The following NKAIN2 variants were observed in gnomAD, a reference collection of about 807,000 sequenced individuals.
NKAIN2 encodes the protein sodium/potassium transporting ATPase interacting 2, also known as sodium/potassium-transporting ATPase subunit beta-1-interacting protein 2.
In NKAIN2, 14 loss-of-function variants were observed where a neutral mutation model predicts 32.6. The observed-to-expected ratio is 0.43, with a 90% confidence interval of 0.28 to 0.67. The LOEUF is 0.67. Ranked by LOEUF, NKAIN2 falls within the 30% of genes least tolerant of loss-of-function variation. NKAIN2 has a pLI of 0.17. For missense variants in NKAIN2, 198 were observed against 258.3 expected, an observed-to-expected ratio of 0.77 and a Z score of 1.60; for synonymous variants, 80 against 87.2, an observed-to-expected ratio of 0.92 and a Z score of 0.46.
chr6:124,790,325 C>A (rs2114805269), intron 4 of NKAIN2, among the ~76,000 whole-genome samples: 1 of 152,102 alleles, frequency 6.6e-6, no homozygotes, highest in East Asian at 1.9e-4. Context: ...CTTCATTAGG[C>A]TTGTCGTGGC....
At chr6:123,866,909 G>A (rs973849688) in intron 1 of NKAIN2, among the ~76,000 whole-genome samples, 2 of 152,102 alleles carry the variant, frequency 1.3e-5, no homozygotes, top group African/African-American at 4.8e-5. Flanking sequence ...TTAGGGTTCT[G>A]TTTATACAGT....
chr6:124,104,193 G>C (rs1393854473), intron 1 of NKAIN2, among the ~76,000 whole-genome samples: 1 of 152,110 alleles, frequency 6.6e-6, no homozygotes, highest in South Asian at 2.1e-4. Context: ...AATATGAAAC[G>C]GTGAAGAAAT....
At chr6:124,115,174 A>G (rs185855251) in intron 1 of NKAIN2, among the ~76,000 whole-genome samples, 2 of 152,286 alleles carry the variant, frequency 1.3e-5, no homozygotes, top group East Asian at 1.9e-4. Flanking sequence ...GGCTATATAT[A>G]TGGAATTTAA....
intron 5 of NKAIN2, among the ~76,000 whole-genome samples, chr6:124,814,324 G>A (rs1161550403): frequency 6.6e-6 from 1 of 152,186 alleles, no homozygotes; most frequent in Admixed American, 6.5e-5. Context: ...GTGAACTCAA[G>A]CATGTAGGTA....
intron 1 of NKAIN2, among the ~76,000 whole-genome samples, chr6:124,104,158 G>T (rs528431237): frequency 1.3e-5 from 2 of 152,020 alleles, no homozygotes; most frequent in East Asian, 3.9e-4. Flanking sequence ...TTACCCCTTC[G>T]CTCCCCTATT....
intron 5 of NKAIN2, among the ~76,000 whole-genome samples, chr6:124,810,431 A>G (rs1053799565): frequency 1.4e-4 from 22 of 152,138 alleles, no homozygotes; most frequent in African/African-American, 5.3e-4. Context: ...GGAATTGAAC[A>G]ATGAGAACAC....
intron 1 of NKAIN2, among the ~76,000 whole-genome samples, chr6:124,270,248 A>G (rs148891145): frequency 2.2e-3 from 337 of 152,262 alleles, no homozygotes; most frequent in African/African-American, 7.7e-3. Flanking sequence ...GCTAAAACGG[A>G]GAGGGCAGAA....
At chr6:124,311,480 T>A (rs1796712454) in intron 2 of NKAIN2, among the ~76,000 whole-genome samples, 1 of 152,146 alleles carries the variant, frequency 6.6e-6, no homozygotes, top group Non-Finnish European at 1.5e-5. Context: ...TATTTATATA[T>A]CCACTGCCAC....
At chr6:124,083,826 C>T (rs1261187905) in intron 1 of NKAIN2, among the ~76,000 whole-genome samples, 2 of 151,850 alleles carry the variant, frequency 1.3e-5, no homozygotes, top group African/African-American at 4.8e-5. Flanking sequence ...GTGTACTGGC[C>T]TTTTTTAAAG....
chr6:124,420,904 T>C (rs931725651), intron 3 of NKAIN2, among the ~76,000 whole-genome samples: 1 of 151,984 alleles, frequency 6.6e-6, no homozygotes, highest in Non-Finnish European at 1.5e-5. Context: ...TTTGTTGTTA[T>C]GAGTAGAATT....
At chr6:124,135,325 C>G (rs567853813) in intron 1 of NKAIN2, among the ~76,000 whole-genome samples, 2 of 151,714 alleles carry the variant, frequency 1.3e-5, no homozygotes. Context: ...TTAAAAGATA[C>G]AGAACGGCAG....
At chr6:123,988,874 A>AGTGTGTGT (rs72226512) in intron 1 of NKAIN2, among the ~76,000 whole-genome samples, 4 of 134,318 alleles carry the variant, frequency 3.0e-5, no homozygotes, top group Non-Finnish European at 3.2e-5. Flanking sequence ...GAACCTTAAG[A>AGTGTGTGT]GTGTGTGTGT....
chr6:124,010,980 G>A (rs7763223), intron 1 of NKAIN2, among the ~76,000 whole-genome samples: 134,820 of 152,142 alleles, frequency 0.89, 60,016 homozygotes, highest in East Asian at 0.98. Flanking sequence ...GTTTTGAAGC[G>A]GTAGTCTCTA....
intron 3 of NKAIN2, among the ~76,000 whole-genome samples, chr6:124,416,800 C>T (rs779936376): frequency 6.6e-6 from 1 of 152,018 alleles, no homozygotes; most frequent in Non-Finnish European, 1.5e-5. Context: ...CCTGTCCAGC[C>T]AAGGTGGTAT....
Position 123,857,458 on chromosome 6 carries a change from A to G in NKAIN2, c.54+53204A>G, listed in dbSNP as rs559180391. Among the ~76,000 whole-genome samples, 18 of 152,178 alleles carry G rather than the reference A, an allele frequency of 1.2e-4. No individual in the cohort carries two copies. In the East Asian group the frequency reaches 3.3e-3, roughly 28 times the overall value. On this transcript the variant is annotated intron_variant, in intron 1 of 6. Coordinates refer to ENST00000368417, the MANE Select transcript of NKAIN2 (RefSeq NM_001040214.3). Reference sequence around the variant, plus strand: ...TAGCACCAATGTGTATAAACATGCAACTATGTTTTTTTACAGTTATATTTA... The same window carrying G: ...TAGCACCAATGTGTATAAACATGCAGCTATGTTTTTTTACAGTTATATTTA...
intron 1 of NKAIN2, among the ~76,000 whole-genome samples, chr6:123,832,134 C>A (rs537230728): frequency 6.6e-6 from 1 of 152,178 alleles, no homozygotes; most frequent in Admixed American, 6.5e-5. Flanking sequence ...ATCCATTCAT[C>A]TCTGCGCCCC....
chr6:123,990,745 A>G (rs565443129), intron 1 of NKAIN2, among the ~76,000 whole-genome samples: 1 of 152,278 alleles, frequency 6.6e-6, no homozygotes, highest in Admixed American at 6.5e-5. Flanking sequence ...ATTTACCCCC[A>G]TTGTTGATAC....
intron 2 of NKAIN2, among the ~76,000 whole-genome samples, chr6:124,342,054 T>C (rs983474220): frequency 3.3e-5 from 5 of 152,140 alleles, no homozygotes; most frequent in Non-Finnish European, 7.3e-5. Flanking sequence ...CGGTAAATAT[T>C]GTCCTACTAT....
intron 4 of NKAIN2, among the ~76,000 whole-genome samples, chr6:124,674,952 C>T (rs1304940): frequency 0.64 from 96,595 of 151,864 alleles, 31,152 homozygotes; most frequent in East Asian, 0.75. Context: ...AGAAAAAACT[C>T]TCCATTTTTC....
Sources: allele counts gnomAD v4.1 joint callset (sites outside exome capture counted in the v4.1 genomes callset), GRCh38; gene constraint gnomAD v4.1.1; transcripts MANE v1.5; gene names NCBI Gene and HGNC (gene_info 2026-07-23, HGNC 2026-07-21).